RNF213: variants seen among roughly 807,000 people sequenced by gnomAD.
The protein encoded by RNF213 is ring finger protein 213.
A neutral mutation model predicts 514.4 loss-of-function variants in RNF213; 341 were observed. The ratio of observed to expected loss-of-function variants is 0.66; its 90% CI spans 0.61 to 0.73. The LOEUF (loss-of-function observed/expected upper bound fraction) is 0.73. Among genes scored for constraint, RNF213 ranks in the 30% least tolerant of loss-of-function variants. The probability of loss-of-function intolerance (pLI) is 0.00; values close to 1 mark genes in which losing one functional copy is unlikely to be tolerated. For missense variants in RNF213, 5,767 were observed against 6,615.6 expected, an observed-to-expected ratio of 0.87 and a Z score of 4.45; for synonymous variants, 2,655 against 2,658.2, an observed-to-expected ratio of 1.00 and a Z score of 0.04.
chr17:80,303,084 A>G (rs904201700), intron 11 of RNF213, among the ~76,000 whole-genome samples: 5 of 152,214 alleles, frequency 3.3e-5, no homozygotes, highest in Non-Finnish European at 5.9e-5. Context: ...GCCAGGAAGT[A>G]CTACTCAAGG....
At chr17:80,324,957 A>G in intron 17 of RNF213, 73 bp from the exon 18 acceptor site, 1 of 1,406,090 alleles carries the variant, frequency 7.1e-7, no homozygotes, top group Non-Finnish European at 9.7e-7. Context: ...CGAGTAGGTA[A>G]TTTGCTTTTG....
chr17:80,284,715 C>T (rs147741247), intron 3 of RNF213, among the ~76,000 whole-genome samples: 1 of 152,286 alleles, frequency 6.6e-6, no homozygotes, highest in African/African-American at 2.4e-5. Flanking sequence ...CCGGACGGCT[C>T]CCCCACTGAG....
In RNF213 at chr17:80,386,416, C is replaced by A. The variant is rs772280055; in HGVS notation, c.14706C>A (p.Ser4902=). 32 of 1,614,012 alleles carry A rather than the reference C, an allele frequency of 2.0e-5. No individual in the cohort carries two copies. The highest frequency in any genetic ancestry group is 2.7e-5 in the Non-Finnish European group (32 of 1,180,034). Residue 4902 remains serine, a synonymous_variant, in exon 62 of 68, where the codon TCC becomes TCA. Transcript: ENST00000582970. ...TTGTCTACGCCGTGGAAAAACTCTC[C>A]AAGGAAAACAACAGGTTTGTGCACG... ...NEIVYAVEKL[S]KENNSYSVDA...
intron 58 of RNF213, 70 bp downstream of exon 58, chr17:80,383,140 T>C (rs2080091437): frequency 4.5e-6 from 5 of 1,113,020 alleles, no homozygotes; most frequent in Non-Finnish European, 6.8e-6. Flanking sequence ...GTCTGCTGAA[T>C]GCTCCTTGCC....
chr17:80,318,940 A>G (rs1206294432), intron 16 of RNF213, among the ~76,000 whole-genome samples: 1 of 152,214 alleles, frequency 6.6e-6, no homozygotes, highest in Non-Finnish European at 1.5e-5. Flanking sequence ...CCTATGTCTC[A>G]TAACTTACCT....
intron 3 of RNF213, among the ~76,000 whole-genome samples, chr17:80,283,471 AC>A (rs2044368860): frequency 6.6e-6 from 1 of 152,206 alleles, no homozygotes; most frequent in Non-Finnish European, 1.5e-5. Flanking sequence ...GTCTGCGCTT[AC>A]TGCAGTCTTT....
intron 46 of RNF213, 81 bp downstream of exon 46, chr17:80,369,948 G>A: frequency 1.1e-6 from 1 of 941,246 alleles, no homozygotes; most frequent in Admixed American, 1.7e-5. Context: ...AAGTCTTCTT[G>A]TCGTGACTAG....
chr17:80,281,798 A>C (rs12601730), intron 3 of RNF213, among the ~76,000 whole-genome samples: 8,128 of 152,252 alleles, frequency 0.053, 320 homozygotes, highest in East Asian at 0.2. Context: ...CCAGTCCCAG[A>C]TATGAAACGG....
At chr17:80,349,492 C>G (rs113156040) in intron 29 of RNF213, among the ~76,000 whole-genome samples, 71 of 152,260 alleles carry the variant, frequency 4.7e-4, no homozygotes, top group African/African-American at 1.6e-3. Context: ...ATCTCAAGTA[C>G]GGACCAAGCA....
chr17:80,337,853 G>A lies in RNF213; in HGVS notation c.4689G>A (p.Leu1563=). 6.5e-7 allele frequency: 1 copy of A among 1,537,248 alleles called. No homozygotes were observed. The highest frequency in any genetic ancestry group is 8.7e-7 in the Non-Finnish European group (1 of 1,146,892). Residue 1563 remains leucine, a synonymous_variant, in exon 25 of 68, where the codon CTG becomes CTA. Coordinates refer to ENST00000582970, the MANE Select transcript of RNF213 (RefSeq NM_001256071.3). ...CACAGATTTCCCCAGACACGGTTCT[G>A]CACTTGATCCTTCCTGAGAGCCCTG... is the stretch of plus-strand genomic sequence containing the variant. ...GGQKISPDTV[L]HLILPESPGS...
intron 18 of RNF213, among the ~76,000 whole-genome samples, chr17:80,326,620 CT>C (rs1599029819): frequency 6.6e-6 from 1 of 152,192 alleles, no homozygotes; most frequent in East Asian, 1.9e-4. Flanking sequence ...TTCCTTTAGT[CT>C]TTTCCAGAAT....
At chr17:80,281,501 T>TCACCCCACTCACACACACCCAACA in intron 3 of RNF213, among the ~76,000 whole-genome samples, 1 of 54,864 alleles carries the variant, frequency 1.8e-5, no homozygotes, top group Admixed American at 2.7e-4. Context: ...TACACCCCAC[T>TCACCCCACTCACACACACCCAACA]CACACACACA....
rs138979388 is a variant in RNF213, at chr17:80,348,258, A to G, written c.9923A>G (p.Asp3308Gly). ...DFLQAHLHTADLERHAIFTEI... is the reference protein window; with the variant it reads ...DFLQAHLHTAGLERHAIFTEI... ...CTTCAGGCACACCTGCACACGGCAGACCTGGAGCGCCACGCCATCTTCACA... is the reference window on the plus strand; with the variant it reads ...CTTCAGGCACACCTGCACACGGCAGGCCTGGAGCGCCACGCCATCTTCACA... The change falls in exon 29 of 68, where the codon GAC becomes GGC. Residue 3308 changes from aspartate (D) to glycine (G), a missense_variant. This residue lies in a region of RNF213 where 919 missense variants were observed against 1,121.0 expected (regional missense o/e 0.82). Transcript: ENST00000582970. The G allele has an allele frequency of 1.2e-6, 2 of 1,613,740 alleles. No individual in the cohort carries two copies. The highest frequency in any genetic ancestry group is 2.2e-5 in the East Asian group (1 of 44,890).
At chr17:80,352,644 A>C (rs1230112849) in intron 32 of RNF213, 3 of 603,150 alleles carry the variant, frequency 5.0e-6, no homozygotes, top group Non-Finnish European at 8.9e-6. Context: ...CAAATACAAC[A>C]ATGCATGGGT....
chr17:80,396,266 A>AAAAT lies in RNF213; in HGVS notation c.*2771_*2772insTAAA, dbSNP rs56831181. Reference sequence around the variant, plus strand: ...GACAGAGTGAGACCCTGTCTCAAAAAAAAATAAAATAAGGACCTTATTGTG... The same window carrying AAAAT: ...GACAGAGTGAGACCCTGTCTCAAAAAAAATAAAATAAAATAAGGACCTTATTGTG... On this transcript the variant is annotated 3_prime_UTR_variant, in exon 68 of 68. Coordinates refer to ENST00000582970, the MANE Select transcript of RNF213 (RefSeq NM_001256071.3). The AAAAT allele has an allele frequency of 2.8e-4, 11 of 38,758 alleles. No homozygotes were observed. The highest frequency in any genetic ancestry group is 9.6e-4 in the African/African-American group (3 of 3,126). The allele number at this position is 38,758 out of a possible 1,614,324, so 2.4% of individuals were successfully genotyped here.
intron 36 of RNF213, among the ~76,000 whole-genome samples, chr17:80,356,841 T>G (rs2078844598): frequency 6.6e-6 from 1 of 152,182 alleles, no homozygotes; most frequent in South Asian, 2.1e-4. Flanking sequence ...CTGTACTATA[T>G]ATTTAAAAAA....
chr17:80,390,270 C>A (rs1599222808), intron 67 of RNF213, 74 bp downstream of exon 67: 3 of 1,476,810 alleles, frequency 2.0e-6, no homozygotes, highest in East Asian at 2.3e-5. Context: ...TCTATAGACA[C>A]AAAAATAGTT....
intron 57 of RNF213, chr17:80,382,676 C>T (rs1599197376): frequency 2.9e-5 from 10 of 342,074 alleles, no homozygotes; most frequent in Non-Finnish European, 5.1e-5. Context: ...AGACGGCTGG[C>T]GGTAGCCTGG....
At chr17:80,392,495 G>A (rs1254865882) in intron 67 of RNF213, among the ~76,000 whole-genome samples, 1 of 152,212 alleles carries the variant, frequency 6.6e-6, no homozygotes, top group African/African-American at 2.4e-5. Context: ...TCGTGTTTGT[G>A]TACTGCATGT....
Sources: gnomAD v4.1 joint callset for allele counts (sites outside exome capture counted in the v4.1 genomes callset) on GRCh38, gnomAD v4.1.1 for gene constraint, gnomAD v4.1.1 regional missense constraint, MANE v1.5 for transcripts, NCBI Gene and HGNC (gene_info 2026-07-23, HGNC 2026-07-21) for gene names.